Variants in CAMKMT observed in about 807,000 individuals in gnomAD.
CAMKMT encodes the protein CaM KMT.
A neutral mutation model predicts 48.0 loss-of-function variants in CAMKMT; 53 were observed. The observed-to-expected ratio is 1.10, with a 90% CI of 0.89 to 1.39. The LOEUF (loss-of-function observed/expected upper bound fraction) is 1.39. Among genes scored for constraint, CAMKMT ranks in the 40% most tolerant of loss-of-function variants. The pLI is 0.00. For synonymous variants in CAMKMT, 165 were observed against 152.3 expected (o/e 1.08, Z -0.61); for missense variants, 428 against 402.7 (o/e 1.06, Z -0.54).
At chr2:44,579,592 T>G (rs4952716) in intron 3 of CAMKMT, among the ~76,000 whole-genome samples, 1 of 152,042 alleles carries the variant, frequency 6.6e-6, no homozygotes, top group African/African-American at 2.4e-5. Context: ...CTCACTCGCA[T>G]TACTGCCCAC....
intron 8 of CAMKMT, among the ~76,000 whole-genome samples, chr2:44,747,691 T>A (rs1166092212): frequency 6.6e-6 from 1 of 152,216 alleles, no homozygotes; most frequent in East Asian, 1.9e-4. Flanking sequence ...AATGTCTCCT[T>A]GTTCTCTGCA....
At chr2:44,495,844 A>T (rs1195578888) in intron 3 of CAMKMT, among the ~76,000 whole-genome samples, 2 of 152,142 alleles carry the variant, frequency 1.3e-5, no homozygotes, top group Non-Finnish European at 2.9e-5. Flanking sequence ...TAAAAGTTTT[A>T]TTCTCCTTCT....
intron 7 of CAMKMT, among the ~76,000 whole-genome samples, chr2:44,733,746 A>G (rs1679205773): frequency 1.3e-5 from 2 of 152,062 alleles, no homozygotes; most frequent in Admixed American, 6.6e-5. Flanking sequence ...ATATTGATCA[A>G]TTTTCAAATG....
Position 44,362,144 on chromosome 2 carries a change from A to G in CAMKMT, c.137A>G (p.Gln46Arg). 1.4e-6 allele frequency: 2 copies of G among 1,471,662 alleles called. No individual in the cohort carries two copies. The highest frequency in any genetic ancestry group is 1.8e-6 in the Non-Finnish European group (2 of 1,123,692). The allele number at this position is 1,471,662 out of a possible 1,614,324, so 91.2% of individuals were successfully genotyped here. The change falls in exon 1 of 11, where the codon CAG (glutamine) becomes CGG (arginine). Residue 46 changes from glutamine to arginine, a missense_variant and splice_region_variant. By Grantham distance (43) the Gln-to-Arg change is conservative (BLOSUM62 1). Coordinates refer to ENST00000378494, the MANE Select transcript of CAMKMT (RefSeq NM_024766.5). Reference sequence around the variant, plus strand: ...GCCGCCCGGTGGAAGCTCCTGCGGCAGGTAAGGGAGAACCTGCTCGCCTCA... The same window carrying G: ...GCCGCCCGGTGGAAGCTCCTGCGGCGGGTAAGGGAGAACCTGCTCGCCTCA... ...LGAARWKLLRQVLKQKHLDDC... is the reference protein window; with the variant it reads ...LGAARWKLLRRVLKQKHLDDC...
intron 3 of CAMKMT, among the ~76,000 whole-genome samples, chr2:44,528,959 A>C (rs1027880839): frequency 6.6e-6 from 1 of 151,794 alleles, no homozygotes; most frequent in African/African-American, 2.4e-5. Flanking sequence ...TTATGATGTT[A>C]GTGGCCATTA....
chr2:44,601,972 A>G (rs2103860187), intron 3 of CAMKMT, among the ~76,000 whole-genome samples: 2 of 152,112 alleles, frequency 1.3e-5, no homozygotes, highest in Middle Eastern at 3.4e-3. Context: ...CATATTGCAT[A>G]TGCTATATTG....
At chr2:44,445,287 G>C (rs1310653784) in intron 3 of CAMKMT, among the ~76,000 whole-genome samples, 1 of 152,048 alleles carries the variant, frequency 6.6e-6, no homozygotes, top group Admixed American at 6.6e-5. Flanking sequence ...AGGGATGCAA[G>C]GATGGAAGAG....
chr2:44,649,006 A>G (rs1039972392), intron 3 of CAMKMT, among the ~76,000 whole-genome samples: 1 of 152,212 alleles, frequency 6.6e-6, no homozygotes, highest in Non-Finnish European at 1.5e-5. Flanking sequence ...ATTAAATGAG[A>G]TATTTAATAT....
intron 3 of CAMKMT, among the ~76,000 whole-genome samples, chr2:44,659,825 A>T (rs928706272): frequency 6.6e-6 from 1 of 152,056 alleles, no homozygotes; most frequent in African/African-American, 2.4e-5. Flanking sequence ...AGCATAAACT[A>T]TTTATTTCTA....
intron 3 of CAMKMT, among the ~76,000 whole-genome samples, chr2:44,429,807 C>CAAAAAAAA (rs1168195679): frequency 1.2e-4 from 8 of 64,518 alleles, no homozygotes; most frequent in African/African-American, 2.1e-4. Context: ...GACTCCGTCT[C>CAAAAAAAA]AAAAAAAAAA....
At chr2:44,642,953 G>A (rs1673528092) in intron 3 of CAMKMT, among the ~76,000 whole-genome samples, 1 of 152,126 alleles carries the variant, frequency 6.6e-6, no homozygotes, top group South Asian at 2.1e-4. Context: ...TGGCATGGTT[G>A]TAAGCCTAAT....
chr2:44,508,854 G>A (rs891429396), intron 3 of CAMKMT, among the ~76,000 whole-genome samples: 5 of 152,082 alleles, frequency 3.3e-5, no homozygotes, highest in African/African-American at 9.7e-5. Flanking sequence ...CCAGCACTCC[G>A]GGAGGCCAAG....
intron 3 of CAMKMT, among the ~76,000 whole-genome samples, chr2:44,400,121 A>G (rs1467002497): frequency 1.3e-5 from 2 of 152,182 alleles, no homozygotes; most frequent in African/African-American, 4.8e-5. Context: ...TGTTCATTCT[A>G]CACAAGTGTA....
intron 3 of CAMKMT, among the ~76,000 whole-genome samples, chr2:44,564,930 AACTAAGCC>A (rs746893049): frequency 1.2e-4 from 18 of 152,350 alleles, no homozygotes; most frequent in Non-Finnish European, 2.4e-4. Context: ...GAATTTCATG[AACTAAGCC>A]ACCCTGTTAG....
intron 3 of CAMKMT, among the ~76,000 whole-genome samples, chr2:44,438,315 A>G (rs1238232808): frequency 2.6e-5 from 4 of 152,228 alleles, no homozygotes; most frequent in African/African-American, 9.6e-5. Flanking sequence ...AACATTATTC[A>G]TTACATTAAA....
At chr2:44,438,390 T>C (rs1351126719) in intron 3 of CAMKMT, among the ~76,000 whole-genome samples, 3 of 152,234 alleles carry the variant, frequency 2.0e-5, no homozygotes, top group Non-Finnish European at 4.4e-5. Flanking sequence ...TATAAACTTG[T>C]TTTGGTTTCA....
At chr2:44,766,352 A>C in intron 9 of CAMKMT, 78 bp from the exon 10 acceptor site, 1 of 1,534,958 alleles carries the variant, frequency 6.5e-7, no homozygotes, top group Non-Finnish European at 9.0e-7. Flanking sequence ...GCAGTACATT[A>C]AATGCTTTGA....
chr2:44,456,895 C>T (rs556146618), intron 3 of CAMKMT: 16 of 293,046 alleles, frequency 5.5e-5, no homozygotes, highest in African/African-American at 1.7e-4. Context: ...GCAAGCTTCT[C>T]GGCTATATCA....
chr2:44,763,186 CCT>C (rs1402993586), intron 9 of CAMKMT, among the ~76,000 whole-genome samples: 1 of 152,118 alleles, frequency 6.6e-6, no homozygotes, highest in Non-Finnish European at 1.5e-5. Context: ...TATTAATCCA[CCT>C]CTCAAAGGTG....
Sources: gnomAD v4.1 joint callset for allele counts (sites outside exome capture counted in the v4.1 genomes callset) on GRCh38, gnomAD v4.1.1 for gene constraint, MANE v1.5 for transcripts, NCBI Gene and HGNC (gene_info 2026-07-23, HGNC 2026-07-21) for gene names.